Variants in PACSIN3 observed in about 807,000 individuals in gnomAD.
PACSIN3 encodes the protein protein kinase C and casein kinase substrate in neurons protein 3.
A neutral mutation model predicts 56.1 loss-of-function variants in PACSIN3; 34 were observed. That is an observed-to-expected ratio of 0.61 (90% confidence interval 0.46 to 0.81). PACSIN3 has a LOEUF of 0.81. PACSIN3 is among the 30% of genes least tolerant of loss of function. The pLI is 0.00. For synonymous variants in PACSIN3, 218 were observed against 229.8 expected, an observed-to-expected ratio of 0.95 and a Z score of 0.46; for missense variants, 535 against 592.4, an observed-to-expected ratio of 0.90 and a Z score of 1.01.
chr11:47,179,658 A>T lies in PACSIN3; in HGVS notation c.604-72T>A. On this transcript the variant is annotated intron_variant, in intron 6 of 10. Transcript: ENST00000298838. This position sits in a 1 kb window ranked among gnomAD's most constrained non-coding sequence, Gnocchi z 4.4. ...CCAGGACTCCACCAGTGTTTACCAG[A>T]CACTGCCATAGGCTGCTAGACCCAG... 6.7e-7 allele frequency: 1 copy of T among 1,485,904 alleles called. No homozygotes were observed. Among genetic ancestry groups the T allele is most frequent in the South Asian group, 1.2e-5 (1 of 85,516 alleles). The allele number at this position is 1,485,904 out of a possible 1,614,324, so 92.0% of individuals were successfully genotyped here. A position where few individuals can be genotyped will look rare whatever the true frequency, so the allele number is the denominator to read the frequency against.
rs766876865 is a variant in PACSIN3 at position 47,177,991 on chromosome 11, C to A, written c.1215G>T (p.Gln405His). Residue 405 changes from glutamine to histidine, a missense_variant, in exon 11 of 11, where the codon CAG becomes CAT. Transcript: ENST00000298838. ...ACAGGCCAATGCGGCCACTCTGCAA[C>A]TGGCCTTGGCACCAGCCCTGCTCGT... ...EEDEQGWCQG[Q>H]LQSGRIGLYP... The A allele has an allele frequency of 3.1e-6, 5 of 1,614,036 alleles. No homozygotes were observed. Among genetic ancestry groups the A allele is most frequent in the African/African-American group, 1.3e-5 (1 of 74,948 alleles).
Position 47,182,666 on chromosome 11 carries a change from C to G in PACSIN3, c.54+8G>C. The G allele has an allele frequency of 6.2e-7, 1 of 1,611,012 alleles. No individual in the cohort carries two copies. Among genetic ancestry groups the G allele is most frequent in the Non-Finnish European group, 8.5e-7 (1 of 1,178,370 alleles). On this transcript the variant is annotated splice_region_variant and intron_variant, in intron 3 of 10. Coordinates refer to ENST00000298838, the MANE Select transcript of PACSIN3 (RefSeq NM_016223.5). ...ACAAGTAGCTGAGCCCAGGACCCAGCTGCTCACCTCCCAGAAACTGCCCCC... is the reference window on the plus strand; with the variant it reads ...ACAAGTAGCTGAGCCCAGGACCCAGGTGCTCACCTCCCAGAAACTGCCCCC...
chr11:47,179,279 C>T lies in PACSIN3; in HGVS notation c.780G>A (p.Lys260=). 1.9e-6 allele frequency: 3 copies of T among 1,614,072 alleles called. No homozygotes were observed. Among genetic ancestry groups the T allele is most frequent in the Non-Finnish European group, 2.5e-6 (3 of 1,180,018 alleles). Residue 260 remains lysine, a splice_region_variant and synonymous_variant, in exon 8 of 11, where the codon AAG becomes AAA. Transcript: ENST00000298838. This position sits in a 1 kb window ranked among gnomAD's most constrained non-coding sequence, Gnocchi z 4.4. ...GCAAGTCACGGTGGAGTTCATGGAA[C>T]CTATGACCCAAGGCACACCCCTCAG... ...HQHLDLSSSE[K]FHELHRDLHQ... is the part of the protein sequence containing the mutation.
At position 47,177,874 on chromosome 11, in the gene PACSIN3, G is replaced by A; in HGVS notation, c.*57C>T. ...GGGCCCTGAGGGTCCGGCTCTCCAGGAGAAGCTGGGCTCTGAACCAGGGTG... is the reference window on the plus strand; with the variant it reads ...GGGCCCTGAGGGTCCGGCTCTCCAGAAGAAGCTGGGCTCTGAACCAGGGTG... On this transcript the variant is annotated 3_prime_UTR_variant, in exon 11 of 11. Transcript: ENST00000298838. The A allele has an allele frequency of 1.5e-6, 2 of 1,369,362 alleles. No individual in the cohort carries two copies. The highest frequency in any genetic ancestry group is 2.3e-5 in the East Asian group (1 of 43,678). 84.8% of individuals were successfully genotyped at this position (1,369,362 alleles called of 1,614,324 possible). A position where few individuals can be genotyped will look rare whatever the true frequency, so the allele number is the denominator to read the frequency against.
At chr11:47,180,867 C>T (rs560956528) in intron 4 of PACSIN3, among the ~76,000 whole-genome samples, 177 bp from the exon 5 acceptor site, 1 of 152,352 alleles carries the variant, frequency 6.6e-6, no homozygotes, top group South Asian at 2.1e-4. Flanking sequence ...TCACTGACTC[C>T]TTGTCTCAGC....
At chr11:47,185,030 C>T (rs746679117) in intron 1 of PACSIN3, among the ~76,000 whole-genome samples, 1 of 152,238 alleles carries the variant, frequency 6.6e-6, no homozygotes, top group Non-Finnish European at 1.5e-5. Flanking sequence ...GCAAGGAGGG[C>T]TTGCACCTTG....
In PACSIN3 at chr11:47,179,920, C is replaced by T. The variant is rs1351896994; in HGVS notation, c.603+266G>A. ...ATATCCAGAGCTGCAGGAAAGGACA[C>T]TTCGGGCAAAGGGTACTGTGCAAGG... On this transcript the variant is annotated intron_variant, in intron 6 of 10. Transcript: ENST00000298838. This position sits in a 1 kb window ranked among gnomAD's most constrained non-coding sequence, Gnocchi z 4.4. Among the ~76,000 whole-genome samples the T allele has an allele frequency of 6.6e-6, 1 of 152,202 alleles. No homozygotes were observed. The highest frequency in any genetic ancestry group is 1.5e-5 in the Non-Finnish European group (1 of 68,034).
At position 47,178,581 on chromosome 11, in the gene PACSIN3, A is replaced by G; in HGVS notation, c.1038-94T>C. 1 of 1,484,760 alleles carries G rather than the reference A, an allele frequency of 6.7e-7. No homozygotes were observed. The highest frequency in any genetic ancestry group is 9.1e-7 in the Non-Finnish European group (1 of 1,101,366). The allele number at this position is 1,484,760 out of a possible 1,614,324, so 92.0% of individuals were successfully genotyped here. A position where few individuals can be genotyped will look rare whatever the true frequency, so the allele number is the denominator to read the frequency against. On this transcript the variant is annotated intron_variant, in intron 9 of 10. Transcript: ENST00000298838. The surrounding 1 kb of genome is among the most constrained non-coding windows in gnomAD (Gnocchi z 4.2). The stretch of plus-strand genomic sequence containing the variant: ...TCAGGGCAAAGGCCTCCCTACCCCC[A>G]GAGGCACCTGGGAGAGTCAGGTGAG...
chr11:47,178,873 A>G lies in PACSIN3; in HGVS notation c.1037+21T>C, dbSNP rs148848441. 2,738 of 1,613,254 alleles carry G rather than the reference A, an allele frequency of 1.7e-3. 24 individuals are homozygous for G. The African/African-American group carries it at 0.022, about 13-fold the overall frequency. ...GGAGGCAGAGCTGTTTCTTTGCCAC[A>G]GCCGCGCTCCTGGCTCTCACCCTGG... On this transcript the variant is annotated intron_variant, in intron 9 of 10. Coordinates refer to ENST00000298838, the MANE Select transcript of PACSIN3 (RefSeq NM_016223.5). This position sits in a 1 kb window ranked among gnomAD's most constrained non-coding sequence, Gnocchi z 4.2.
Position 47,178,672 on chromosome 11 carries a change from C to T in PACSIN3, c.1038-185G>A, listed in dbSNP as rs1952946355. Among the ~76,000 whole-genome samples the T allele has an allele frequency of 6.6e-6, 1 of 152,220 alleles. No individual in the cohort carries two copies. The highest frequency in any genetic ancestry group is 1.5e-5 in the Non-Finnish European group (1 of 68,042). ...GAGCAAAGAGGCAATTCCTGCCACACGCAGCTGATTTAAGGCATAAACGAG... is the reference window on the plus strand; with the variant it reads ...GAGCAAAGAGGCAATTCCTGCCACATGCAGCTGATTTAAGGCATAAACGAG... On this transcript the variant is annotated intron_variant, in intron 9 of 10. Coordinates refer to ENST00000298838, the MANE Select transcript of PACSIN3 (RefSeq NM_016223.5). The surrounding 1 kb of genome is among the most constrained non-coding windows in gnomAD (Gnocchi z 4.2).
intron 6 of PACSIN3, 110 bp downstream of exon 6, chr11:47,180,076 G>C (rs569690993): frequency 1.0e-6 from 1 of 971,294 alleles, no homozygotes; most frequent in Admixed American, 2.1e-5. Flanking sequence ...TGGCAGGTGA[G>C]GAATAGGGTA....
chr11:47,180,884 C>A (rs1012337832), intron 4 of PACSIN3, among the ~76,000 whole-genome samples, 194 bp from the exon 5 acceptor site: 1 of 152,228 alleles, frequency 6.6e-6, no homozygotes, highest in Admixed American at 6.5e-5. Flanking sequence ...CAGCCACCAT[C>A]GTGAGGACAG....
intron 1 of PACSIN3, among the ~76,000 whole-genome samples, chr11:47,184,115 C>T (rs1051059410): frequency 2.0e-5 from 3 of 152,162 alleles, no homozygotes; most frequent in Non-Finnish European, 2.9e-5. Context: ...TGGCATGTGG[C>T]TGCTCCCCTC....
At chr11:47,182,813 G>A (rs768667036) in intron 2 of PACSIN3, 49 bp from the exon 3 acceptor site, 21 of 1,438,966 alleles carry the variant, frequency 1.5e-5, no homozygotes, top group Non-Finnish European at 1.9e-5. Context: ...TATGTTTCTG[G>A]GGATAGGAAA....
At position 47,180,554 on chromosome 11, in the gene PACSIN3, C is replaced by A. The variant is rs777119773; in HGVS notation, c.348G>T (p.Gly116=). The change falls in exon 5 of 11, where the codon GGG becomes GGT. Residue 116 remains glycine (G), a synonymous_variant. Coordinates refer to ENST00000298838, the MANE Select transcript of PACSIN3 (RefSeq NM_016223.5). ...DSERVRAWQR[G]AFHRPVLGGF... is the part of the protein sequence containing the mutation. ...CGCCCAGCACAGGCCGGTGGAAAGC[C>A]CCCCGCTGCCAGGCGCGCACCCGCT... is the stretch of plus-strand genomic sequence containing the variant. 2.6e-5 allele frequency: 41 copies of A among 1,603,698 alleles called. No homozygotes were observed. Among genetic ancestry groups the A allele is most frequent in the Non-Finnish European group, 3.4e-5 (40 of 1,179,564 alleles).
chr11:47,184,149 T>C (rs1006706151), intron 1 of PACSIN3, among the ~76,000 whole-genome samples: 3 of 152,166 alleles, frequency 2.0e-5, no homozygotes, highest in Non-Finnish European at 2.9e-5. Context: ...GGGTCTCAGC[T>C]GTCCCCAGCA....
chr11:47,183,476 G>T (rs1953067258), intron 1 of PACSIN3, among the ~76,000 whole-genome samples: 1 of 152,242 alleles, frequency 6.6e-6, no homozygotes, highest in East Asian at 1.9e-4. Flanking sequence ...CTCCTCCTAA[G>T]GAGGCCCCAG....
At position 47,179,414 on chromosome 11, in the gene PACSIN3, T is replaced by C. The variant is rs759674365; in HGVS notation, c.776A>G (p.Glu259Gly). The C allele has an allele frequency of 6.2e-7, 1 of 1,614,052 alleles. No homozygotes were observed. The highest frequency in any genetic ancestry group is 8.5e-7 in the Non-Finnish European group (1 of 1,180,004). ...LHQHLDLSSS[E>G]KFHELHRDLH... ...ATGCCCACCAGGCAGTTCATACTTC[T>C]CACTGCTGGAAAGGTCCAGGTGCTG... The change falls in exon 7 of 11, where the codon GAG becomes GGG. Residue 259 changes from glutamate (E) to glycine (G), a missense_variant. Coordinates refer to ENST00000298838, the MANE Select transcript of PACSIN3 (RefSeq NM_016223.5). The surrounding 1 kb of genome is among the most constrained non-coding windows in gnomAD (Gnocchi z 4.4).
At position 47,177,994 on chromosome 11, in the gene PACSIN3, G is replaced by A; in HGVS notation, c.1212C>T (p.Gly404=). ...SEEDEQGWCQ[G]QLQSGRIGLY... ...GGCCAATGCGGCCACTCTGCAACTG[G>A]CCTTGGCACCAGCCCTGCTCGTCCT... Residue 404 remains glycine (G), a synonymous_variant, in exon 11 of 11, where the codon GGC becomes GGT. Transcript: ENST00000298838. 1.9e-6 allele frequency: 3 copies of A among 1,614,118 alleles called. No individual in the cohort carries two copies. The South Asian group carries it at 3.3e-5, about 18-fold the overall frequency.
Sources: gnomAD v4.1 joint callset for allele counts (sites outside exome capture counted in the v4.1 genomes callset) on GRCh38, gnomAD v4.1.1 for gene constraint, Gnocchi (gnomAD v3.1) non-coding constraint, MANE v1.5 for transcripts, NCBI Gene and HGNC (gene_info 2026-07-23, HGNC 2026-07-21) for gene names.